Variants in FRMD4A observed in about 807,000 individuals in gnomAD.
FRMD4A encodes the protein FERM domain-containing protein 4A.
A neutral mutation model predicts 129.1 loss-of-function variants in FRMD4A; 29 were observed. The observed-to-expected ratio is 0.22, with a 90% CI of 0.17 to 0.31. The LOEUF (loss-of-function observed/expected upper bound fraction) is 0.31. Among genes scored for constraint, FRMD4A ranks in the 10% least tolerant of loss-of-function variants. The probability of loss-of-function intolerance (pLI) is 1.00; values close to 1 mark genes in which losing one functional copy is unlikely to be tolerated. For missense variants in FRMD4A, 1,272 were observed against 1,375.8 expected (o/e 0.92, Z 1.19); for synonymous variants, 634 against 571.6 (o/e 1.11, Z -1.56).
At chr10:14,152,149 A>G (rs1840372725) in intron 2 of FRMD4A, among the ~76,000 whole-genome samples, 1 of 85,786 alleles carries the variant, frequency 1.2e-5, no homozygotes, top group Non-Finnish European at 2.1e-5. Context: ...TTTTTTTGAG[A>G]CATAGTCTCG....
chr10:14,136,884 A>G (rs977447893), intron 2 of FRMD4A, among the ~76,000 whole-genome samples: 2 of 152,114 alleles, frequency 1.3e-5, no homozygotes, highest in African/African-American at 4.8e-5. Context: ...ATGGACTGAG[A>G]CCTGTCTCAA....
chr10:13,782,767 G>A (rs1260963917), intron 6 of FRMD4A, among the ~76,000 whole-genome samples, 155 bp downstream of exon 6: 2 of 152,076 alleles, frequency 1.3e-5, no homozygotes, highest in Non-Finnish European at 2.9e-5. Context: ...AAATGGTGCC[G>A]TTAGCTTCAT....
At chr10:14,289,987 GA>G (rs939214066) in intron 2 of FRMD4A, among the ~76,000 whole-genome samples, 2 of 151,480 alleles carry the variant, frequency 1.3e-5, no homozygotes, top group Non-Finnish European at 2.9e-5. Flanking sequence ...AGGAAATTAA[GA>G]AAAAAATCCT....
chr10:13,870,452 C>G (rs1205515125), intron 2 of FRMD4A, among the ~76,000 whole-genome samples: 4 of 152,252 alleles, frequency 2.6e-5, no homozygotes, highest in African/African-American at 9.6e-5. Context: ...CTGGCCCATG[C>G]TGTTACCTTT....
chr10:14,261,493 A>T (rs1589239395), intron 2 of FRMD4A, among the ~76,000 whole-genome samples: 1 of 152,160 alleles, frequency 6.6e-6, no homozygotes, highest in African/African-American at 2.4e-5. Context: ...GAGGACTCAA[A>T]TTAAAGCTGC....
At chr10:13,844,549 A>T (rs1200586037) in intron 3 of FRMD4A, among the ~76,000 whole-genome samples, 2 of 152,218 alleles carry the variant, frequency 1.3e-5, no homozygotes, top group Non-Finnish European at 2.9e-5. Context: ...TATTGTAGTA[A>T]CATATCTTAA....
At chr10:13,958,375 C>A (rs1373142453) in intron 2 of FRMD4A, among the ~76,000 whole-genome samples, 1 of 150,810 alleles carries the variant, frequency 6.6e-6, no homozygotes, top group African/African-American at 2.4e-5. Context: ...GCTCCGCCTC[C>A]CGGGTTCACG....
At position 13,707,382 on chromosome 10, in the gene FRMD4A, C is replaced by T. The variant is rs2087568068; in HGVS notation, c.760-269G>A. On this transcript the variant is annotated intron_variant, in intron 12 of 24. Transcript: ENST00000357447. ...AAGTTCTTTTCAAGTTCTCCGCCTT[C>T]GGTCGGCCTTTGTTGGTTTGGTCGT... The T allele has an allele frequency of 7.9e-6, 9 of 1,136,210 alleles. No individual in the cohort carries two copies. In the Admixed American group the frequency reaches 1.3e-4, roughly 16 times the overall value. The allele number at this position is 1,136,210 out of a possible 1,614,324, so 70.4% of individuals were successfully genotyped here. A position where few individuals can be genotyped will look rare whatever the true frequency, so the allele number is the denominator to read the frequency against.
At chr10:13,948,993 C>G (rs140320574) in intron 2 of FRMD4A, among the ~76,000 whole-genome samples, 1 of 151,874 alleles carries the variant, frequency 6.6e-6, no homozygotes, top group Admixed American at 6.6e-5. Context: ...TTTATTTGAT[C>G]ATTCAAATAT....
At chr10:13,725,390 G>A (rs2089814840) in intron 12 of FRMD4A, among the ~76,000 whole-genome samples, 1 of 152,212 alleles carries the variant, frequency 6.6e-6, no homozygotes, top group East Asian at 1.9e-4. Context: ...CTTCCAGGAG[G>A]TGCCTCCAAG....
intron 4 of FRMD4A, among the ~76,000 whole-genome samples, chr10:13,798,097 A>G (rs1335371192): frequency 1.3e-5 from 2 of 152,158 alleles, no homozygotes; most frequent in African/African-American, 4.8e-5. Context: ...CTTGCTCTGA[A>G]TATAGGAAAA....
At chr10:14,266,401 AAAT>A (rs1844980313) in intron 2 of FRMD4A, among the ~76,000 whole-genome samples, 1 of 152,128 alleles carries the variant, frequency 6.6e-6, no homozygotes, top group Non-Finnish European at 1.5e-5. Context: ...TTAAGATTAT[AAAT>A]AATATTTTCT....
chr10:14,270,725 C>T (rs993379286), intron 2 of FRMD4A, among the ~76,000 whole-genome samples: 2 of 152,180 alleles, frequency 1.3e-5, no homozygotes, highest in African/African-American at 2.4e-5. Context: ...AGTGAAACAA[C>T]ATAAAACAGA....
At chr10:14,205,273 C>T (rs1156365015) in intron 2 of FRMD4A, among the ~76,000 whole-genome samples, 1 of 152,092 alleles carries the variant, frequency 6.6e-6, no homozygotes, top group East Asian at 1.9e-4. Flanking sequence ...ACTCCATAGC[C>T]ACATGTAGCT....
chr10:13,651,197 G>A (rs1212737027), intron 24 of FRMD4A: 1 of 152,286 alleles, frequency 6.6e-6, no homozygotes, highest in African/African-American at 2.4e-5. Flanking sequence ...CGAGCTCCCA[G>A]GTGATGGTGG....
intron 2 of FRMD4A, among the ~76,000 whole-genome samples, chr10:14,002,788 T>C (rs2095647059): frequency 6.6e-6 from 1 of 152,084 alleles, no homozygotes. Flanking sequence ...TGGAAGAGCT[T>C]CCTGTGGAAT....
chr10:13,757,291 A>G (rs1239934914), intron 8 of FRMD4A, among the ~76,000 whole-genome samples: 2 of 152,238 alleles, frequency 1.3e-5, no homozygotes, highest in African/African-American at 4.8e-5. Flanking sequence ...TTACATGTAT[A>G]TACATCAGGA....
chr10:14,127,766 C>A (rs1335509049), intron 2 of FRMD4A, among the ~76,000 whole-genome samples: 1 of 152,104 alleles, frequency 6.6e-6, no homozygotes. Context: ...TATTTCCCTC[C>A]TCAAAATACC....
At chr10:13,672,848 A>G (rs774170890) in intron 16 of FRMD4A, among the ~76,000 whole-genome samples, 1 of 152,228 alleles carries the variant, frequency 6.6e-6, no homozygotes, top group Non-Finnish European at 1.5e-5. Context: ...ATGCGTCAAG[A>G]GGCTATGGTG....
Sources: gnomAD v4.1 joint callset for allele counts (sites outside exome capture counted in the v4.1 genomes callset) on GRCh38, gnomAD v4.1.1 for gene constraint, MANE v1.5 for transcripts, NCBI Gene and HGNC (gene_info 2026-07-23, HGNC 2026-07-21) for gene names.